PSG1: variants seen among roughly 807,000 people sequenced by gnomAD.
PSG1 encodes the protein pregnancy specific beta-1-glycoprotein 1.
A neutral mutation model predicts 41.4 loss-of-function variants in PSG1; 60 were observed. That is an observed-to-expected ratio of 1.45 (90% CI 1.18 to 1.80). PSG1 has a LOEUF of 1.80. Among genes scored for constraint, PSG1 ranks in the 40% most tolerant of loss-of-function variants. PSG1 has a pLI of 0.00. For synonymous variants in PSG1, 256 were observed against 192.9 expected, an observed-to-expected ratio of 1.33 and a Z score of -2.71; for missense variants, 806 against 516.9, an observed-to-expected ratio of 1.56 and a Z score of -5.42.
rs909311331 is a variant in PSG1, at chr19:42,872,214, A to T, written c.431-169T>A. 2.0e-5 allele frequency among the ~76,000 whole-genome samples: 3 copies of T among 151,484 alleles called. 1 individual carries two copies. The highest frequency in any genetic ancestry group is 3.9e-4 in the East Asian group (2 of 5,152). On this transcript the variant is annotated intron_variant, in intron 2 of 5. Transcript: ENST00000436291. ...GATGCATGGCAATCTGAGGGCTCAG[A>T]GATTGTGAGGCTGCCTGCTTCATGT... is the stretch of plus-strand genomic sequence containing the variant.
Position 42,866,821 on chromosome 19 carries a change from G to T in PSG1, c.*313C>A. On this transcript the variant is annotated 3_prime_UTR_variant, in exon 6 of 6. Coordinates refer to ENST00000436291, the MANE Select transcript of PSG1 (RefSeq NM_001184825.2). The stretch of plus-strand genomic sequence containing the variant: ...TGCATTATCCTGCCAAGTGAAAGAG[G>T]CAGGCATGAGCAAGGACAGTTAAGA... 3.4e-6 allele frequency: 2 copies of T among 587,772 alleles called. No individual in the cohort carries two copies. The highest frequency in any genetic ancestry group is 6.1e-6 in the Non-Finnish European group (2 of 328,496). The allele number at this position is 587,772 out of a possible 1,614,324, so 36.4% of individuals were successfully genotyped here. A position where few individuals can be genotyped will look rare whatever the true frequency, so the allele number is the denominator to read the frequency against.
At chr19:42,871,390 A>G (rs1205123395) in intron 3 of PSG1, among the ~76,000 whole-genome samples, 6 of 151,540 alleles carry the variant, frequency 4.0e-5, no homozygotes, top group East Asian at 1.9e-4. Flanking sequence ...TGTCACAGGC[A>G]CTATTGTCAG....
chr19:42,878,473 A>T, intron 1 of PSG1, 195 bp from the exon 2 acceptor site: 1 of 1,001,780 alleles, frequency 1.0e-6, no homozygotes, highest in Non-Finnish European at 1.4e-6. Flanking sequence ...TGTGTGTCCT[A>T]CTGTCCTACT....
At chr19:42,876,318 G>T (rs1971604088) in intron 2 of PSG1, among the ~76,000 whole-genome samples, 1 of 151,346 alleles carries the variant, frequency 6.6e-6, no homozygotes, top group Non-Finnish European at 1.5e-5. Flanking sequence ...CATAGTCCAG[G>T]ACCAAGGAGC....
intron 1 of PSG1, among the ~76,000 whole-genome samples, 182 bp downstream of exon 1, chr19:42,879,336 T>C (rs1228352065): frequency 2.6e-5 from 4 of 151,398 alleles, no homozygotes; most frequent in South Asian, 2.1e-4. Flanking sequence ...GTATTTTCAG[T>C]ACAGACAGGG....
intron 3 of PSG1, chr19:42,870,214 G>A (rs1275928666): frequency 6.6e-6 from 1 of 151,744 alleles, no homozygotes; most frequent in African/African-American, 2.4e-5. Context: ...ATAAGACTTA[G>A]GACAAAAAGT....
intron 5 of PSG1, chr19:42,867,670 G>T (rs780971755): frequency 6.6e-6 from 5 of 760,554 alleles, no homozygotes; most frequent in Non-Finnish European, 1.2e-5. Flanking sequence ...CCCAATTCTG[G>T]GGCAGTCAGG....
chr19:42,874,730 T>TCAGGAAGC (rs1441462706), intron 2 of PSG1, among the ~76,000 whole-genome samples: 7 of 151,574 alleles, frequency 4.6e-5, no homozygotes, highest in African/African-American at 1.5e-4. Context: ...TTCAAGCTTG[T>TCAGGAAGC]TATACGCCTG....
At chr19:42,873,848 G>A (rs1161093785) in intron 2 of PSG1, among the ~76,000 whole-genome samples, 1 of 151,460 alleles carries the variant, frequency 6.6e-6, no homozygotes, top group Non-Finnish European at 1.5e-5. Flanking sequence ...AAATGGGGAG[G>A]ACCTCAAAAC....
chr19:42,878,279 C>G lies in PSG1; in HGVS notation c.65-1G>C, dbSNP rs750999911. ...AGGTTCCAGAAGTTTAAAAGTGATG[C>G]TAGGAGGTGGAGAGAACATCAGTCA... On this transcript the variant is annotated splice_acceptor_variant, in intron 1 of 5. Coordinates refer to ENST00000436291, the MANE Select transcript of PSG1 (RefSeq NM_001184825.2). LOFTEE classifies it high-confidence loss of function. 2 of 1,603,066 alleles carry G rather than the reference C, an allele frequency of 1.2e-6. No homozygotes were observed. Among genetic ancestry groups the G allele is most frequent in the Admixed American group, 1.7e-5 (1 of 59,244 alleles).
chr19:42,878,749 CT>C (rs1163508707), intron 1 of PSG1, among the ~76,000 whole-genome samples: 1 of 150,046 alleles, frequency 6.7e-6, no homozygotes, highest in Non-Finnish European at 1.5e-5. Context: ...GCATGTCTGT[CT>C]TCCCCCCCAT....
intron 5 of PSG1, chr19:42,867,651 G>A (rs1416705064): frequency 1.3e-6 from 1 of 748,594 alleles, no homozygotes; most frequent in African/African-American, 1.8e-5. Context: ...CAATTCTCAT[G>A]AATAGTTGCC....
chr19:42,868,163 C>G lies in PSG1; in HGVS notation c.1181G>C (p.Cys394Ser), dbSNP rs571012006. Residue 394 changes from cysteine (C) to serine (S), a missense_variant, in exon 5 of 6, where the codon TGC (cysteine) becomes TCC (serine). Coordinates refer to ENST00000436291, the MANE Select transcript of PSG1 (RefSeq NM_001184825.2). ...GCCAGTGGCTGAGTTACGAACAGAG[C>G]AAACATAGAGCCCGCTATGCTTTGT... ...ITTKHSGLYV[C>S]SVRNSATGKE... 5 of 1,612,396 alleles carry G rather than the reference C, an allele frequency of 3.1e-6. No individual in the cohort carries two copies. The South Asian group carries it at 5.5e-5, about 18-fold the overall frequency.
At chr19:42,868,036 C>G (rs777087875) in intron 5 of PSG1, 65 bp downstream of exon 5, 7 of 1,611,594 alleles carry the variant, frequency 4.3e-6, no homozygotes, top group Non-Finnish European at 5.9e-6. Flanking sequence ...TTTCCTGACT[C>G]TTCTCTGAAT....
rs1179207751 is a variant in PSG1 at position 42,866,805 on chromosome 19, C to A, written c.*329G>T. On this transcript the variant is annotated 3_prime_UTR_variant, in exon 6 of 6. Coordinates refer to ENST00000436291, the MANE Select transcript of PSG1 (RefSeq NM_001184825.2). ...GTGAAATTCTAATGACTGCATTATCCTGCCAAGTGAAAGAGGCAGGCATGA... is the reference window on the plus strand; with the variant it reads ...GTGAAATTCTAATGACTGCATTATCATGCCAAGTGAAAGAGGCAGGCATGA... The A allele has an allele frequency of 1.7e-6, 1 of 574,424 alleles. No individual in the cohort carries two copies. The highest frequency in any genetic ancestry group is 2.9e-5 in the East Asian group (1 of 34,590). 35.6% of individuals were successfully genotyped at this position (574,424 alleles called of 1,614,324 possible). A position where few individuals can be genotyped will look rare whatever the true frequency, so the allele number is the denominator to read the frequency against.
At chr19:42,872,835 A>G (rs1165281325) in intron 2 of PSG1, among the ~76,000 whole-genome samples, 2 of 151,860 alleles carry the variant, frequency 1.3e-5, no homozygotes, top group African/African-American at 2.4e-5. Flanking sequence ...TTCTAGAAAT[A>G]CATGTGGATC....
rs746944504 is a variant in PSG1, at chr19:42,868,828, C to A, written c.916G>T (p.Gly306Ter). ...ILPSVTRNET[G>*]PYQCEIRDRY... is the part of the protein sequence containing the mutation. ...TCCCGTATTTCACATTGATAGGGTC[C>A]TGTTTCATTTCTCGTGACACTGGGT... Residue 306 changes from glycine to a stop codon, truncating the protein, a stop_gained, in exon 4 of 6, where the codon GGA (glycine) becomes TGA (stop). Coordinates refer to ENST00000436291, the MANE Select transcript of PSG1 (RefSeq NM_001184825.2). LOFTEE classifies it high-confidence loss of function. 50 of 1,611,680 alleles carry A rather than the reference C, an allele frequency of 3.1e-5. No individual in the cohort carries two copies. Among genetic ancestry groups the A allele is most frequent in the African/African-American group, 2.7e-5 (2 of 74,670 alleles).
At chr19:42,871,315 A>G (rs1443248408) in intron 3 of PSG1, among the ~76,000 whole-genome samples, 2 of 151,580 alleles carry the variant, frequency 1.3e-5, no homozygotes, top group Non-Finnish European at 2.9e-5. Flanking sequence ...CTTCCCCTGT[A>G]TGGTAATAGG....
chr19:42,866,969 G>A lies in PSG1; in HGVS notation c.*165C>T, dbSNP rs1202061488. 7.9e-6 allele frequency: 6 copies of A among 758,570 alleles called. No homozygotes were observed. Among genetic ancestry groups the A allele is most frequent in the East Asian group, 7.3e-5 (3 of 40,988 alleles). The allele number at this position is 758,570 out of a possible 1,614,324, so 47.0% of individuals were successfully genotyped here. ...TTTGAGCATCTGTTGTTATGGTGTCGAATATTTTGGTGAGTTCTGAGTGGC... is the reference window on the plus strand; with the variant it reads ...TTTGAGCATCTGTTGTTATGGTGTCAAATATTTTGGTGAGTTCTGAGTGGC... On this transcript the variant is annotated 3_prime_UTR_variant, in exon 6 of 6. Coordinates refer to ENST00000436291, the MANE Select transcript of PSG1 (RefSeq NM_001184825.2).
Sources: allele counts gnomAD v4.1 joint callset (sites outside exome capture counted in the v4.1 genomes callset), GRCh38; gene constraint gnomAD v4.1.1; transcripts MANE v1.5; gene names NCBI Gene and HGNC (gene_info 2026-07-23, HGNC 2026-07-21).